Variants in LEF1 observed in about 807,000 individuals in gnomAD.
LEF1 encodes the protein lymphoid enhancer-binding factor 1.
A neutral mutation model predicts 51.2 loss-of-function variants in LEF1; 14 were observed. That is an observed-to-expected ratio of 0.27 (90% confidence interval 0.18 to 0.43). LEF1 has a LOEUF of 0.43. Ranked by LOEUF, LEF1 falls within the 20% of genes least tolerant of loss-of-function variation. The pLI, the probability that LEF1 is intolerant of heterozygous loss-of-function variation, is 1.00. For synonymous variants in LEF1, 185 were observed against 183.2 expected (o/e 1.01, Z -0.08); for missense variants, 386 against 512.0 (o/e 0.75, Z 2.37).
chr4:108,094,473 T>A (rs886138287), intron 3 of LEF1, among the ~76,000 whole-genome samples: 3 of 152,146 alleles, frequency 2.0e-5, no homozygotes, highest in Admixed American at 6.5e-5. Flanking sequence ...AATGACCCAC[T>A]CACCACTGGC....
rs1739844147 is a variant in LEF1, at chr4:108,089,163, T to C, written c.509A>G (p.His170Arg). Residue 170 changes from histidine to arginine, a missense_variant, in exon 4 of 12, where the codon CAC becomes CGC. Around this residue, in one of 2 missense-constraint regions of LEF1, gnomAD observed 335 missense variants for 390.7 expected, o/e 0.86. Transcript: ENST00000265165. Reference sequence around the variant, plus strand: ...GACATCTGATGGGATGTGTGACGGGTGTGATCCTGGAGAAAAGTGCTCGTC... The same window carrying C: ...GACATCTGATGGGATGTGTGACGGGCGTGATCCTGGAGAAAAGTGCTCGTC... ...YSDEHFSPGS[H>R]PSHIPSDVNS... 6.2e-7 allele frequency: 1 copy of C among 1,613,708 alleles called. No individual in the cohort carries two copies. The highest frequency in any genetic ancestry group is 1.1e-5 in the South Asian group (1 of 91,062).
intron 3 of LEF1, among the ~76,000 whole-genome samples, chr4:108,139,057 C>T (rs1243259861): frequency 6.6e-6 from 1 of 152,140 alleles, no homozygotes; most frequent in Non-Finnish European, 1.5e-5. Context: ...ACTGAGATTC[C>T]CTGCCATGGT....
chr4:108,095,595 C>T (rs1323690114), intron 3 of LEF1, among the ~76,000 whole-genome samples: 1 of 152,148 alleles, frequency 6.6e-6, no homozygotes, highest in Non-Finnish European at 1.5e-5. Flanking sequence ...GAACAGTGGA[C>T]CACTTGGAGA....
At chr4:108,092,218 T>A (rs905945360) in intron 3 of LEF1, among the ~76,000 whole-genome samples, 1 of 152,348 alleles carries the variant, frequency 6.6e-6, no homozygotes, top group African/African-American at 2.4e-5. Flanking sequence ...GATTTTAATT[T>A]AAGCCTGGCC....
intron 3 of LEF1, among the ~76,000 whole-genome samples, chr4:108,095,984 C>A (rs1337767264): frequency 2.0e-5 from 3 of 152,094 alleles, no homozygotes; most frequent in Non-Finnish European, 4.4e-5. Context: ...CCTCACCATA[C>A]CCCTAATCAT....
At chr4:108,090,766 C>T (rs1560782438) in intron 3 of LEF1, among the ~76,000 whole-genome samples, 1 of 152,098 alleles carries the variant, frequency 6.6e-6, no homozygotes, top group Non-Finnish European at 1.5e-5. Flanking sequence ...TACAGTTTCT[C>T]TACTGTACAT....
intron 8 of LEF1, among the ~76,000 whole-genome samples, chr4:108,077,328 A>G (rs1738932311): frequency 1.3e-5 from 2 of 148,918 alleles, no homozygotes; most frequent in South Asian, 4.4e-4. Context: ...CTGCCCGGCC[A>G]CCCAACTGAC....
intron 3 of LEF1, among the ~76,000 whole-genome samples, chr4:108,093,299 C>T (rs1449546319): frequency 6.6e-6 from 1 of 152,148 alleles, no homozygotes; most frequent in Non-Finnish European, 1.5e-5. Context: ...ATCCTTTTGG[C>T]TCTTACTCTG....
chr4:108,126,865 T>C (rs1022735731), intron 3 of LEF1, among the ~76,000 whole-genome samples: 2 of 94,946 alleles, frequency 2.1e-5, no homozygotes, highest in Non-Finnish European at 4.8e-5. Flanking sequence ...TATTATTTAC[T>C]GATATGTGTG....
rs1190535464 is a variant in LEF1 at position 108,141,601 on chromosome 4, TG to T, written c.414+21966del. The stretch of plus-strand genomic sequence containing the variant: ...TCTGCCTTTTTTCAATGCAAGCGAG[TG>T]GCAGCCAAGTCTCTCCATCTAGGAG... On this transcript the variant is annotated intron_variant, in intron 3 of 11. Coordinates refer to ENST00000265165, the MANE Select transcript of LEF1 (RefSeq NM_016269.5). Among the ~76,000 whole-genome samples, 7 of 152,236 alleles carry T rather than the reference TG, an allele frequency of 4.6e-5. No homozygotes were observed. In the East Asian group the frequency reaches 1.2e-3, roughly 25 times the overall value.
At chr4:108,096,328 T>C (rs1740390505) in intron 3 of LEF1, among the ~76,000 whole-genome samples, 1 of 152,122 alleles carries the variant, frequency 6.6e-6, no homozygotes. Context: ...GCTGTAGTGG[T>C]GCAAGGATTC....
chr4:108,089,098 A>G (rs1211182310), intron 4 of LEF1, 27 bp downstream of exon 4: 11 of 1,611,364 alleles, frequency 6.8e-6, no homozygotes, highest in Admixed American at 6.7e-5. Flanking sequence ...GCAAAAAAAA[A>G]GGGCCTGGAA....
intron 1 of LEF1, among the ~76,000 whole-genome samples, chr4:108,165,969 A>G (rs1745363282): frequency 6.6e-6 from 1 of 152,198 alleles, no homozygotes; most frequent in Admixed American, 6.5e-5. Context: ...TGTGGAGAAT[A>G]TGAAGTGGGT....
intron 3 of LEF1, among the ~76,000 whole-genome samples, chr4:108,132,863 G>A (rs773217221): frequency 5.1e-4 from 78 of 151,572 alleles, no homozygotes; most frequent in Admixed American, 9.9e-4. Flanking sequence ...TAGAGATGGG[G>A]TTTCCCCATG....
At position 108,078,011 on chromosome 4, in the gene LEF1, A is replaced by G. The variant is rs1410621257; in HGVS notation, c.1008+209T>C. Among the ~76,000 whole-genome samples, 4 of 151,938 alleles carry G rather than the reference A, an allele frequency of 2.6e-5. No homozygotes were observed. In the South Asian group the frequency reaches 8.4e-4, roughly 32 times the overall value. On this transcript the variant is annotated intron_variant, in intron 8 of 11. Transcript: ENST00000265165. ...AACTATGATCATACCACTGTACTCC[A>G]GTCCAGCTTGGGCAACAGAGTGAGA...
rs1375227118 is a variant in LEF1, at chr4:108,168,917, C to G, written c.-1150G>C. ...CTGCCCCGCAGGTGAGCGGCTGCGC[C>G]TCCCCACTGCTTCTCCTCCTCCCGC... On this transcript the variant is annotated 5_prime_UTR_variant, in exon 1 of 12. Transcript: ENST00000265165. The surrounding 1 kb of genome is among the most constrained non-coding windows in gnomAD (Gnocchi z 4.6). 1 of 152,280 alleles carries G rather than the reference C, an allele frequency of 6.6e-6. No homozygotes were observed. The highest frequency in any genetic ancestry group is 2.4e-5 in the African/African-American group (1 of 41,454). 9.4% of individuals were successfully genotyped at this position (152,280 alleles called of 1,614,324 possible). A position where few individuals can be genotyped will look rare whatever the true frequency, so the allele number is the denominator to read the frequency against.
At chr4:108,156,862 G>A (rs552807422) in intron 3 of LEF1, among the ~76,000 whole-genome samples, 5 of 151,756 alleles carry the variant, frequency 3.3e-5, no homozygotes, top group Admixed American at 3.3e-4. Flanking sequence ...GGGTGAGGGG[G>A]TAGGAGGGGG....
At chr4:108,081,368 C>T (rs535436225) in intron 6 of LEF1, among the ~76,000 whole-genome samples, 16 of 152,236 alleles carry the variant, frequency 1.1e-4, no homozygotes, top group African/African-American at 2.6e-4. Flanking sequence ...CTGAGTCCAT[C>T]GCCCGATGGT....
intron 2 of LEF1, among the ~76,000 whole-genome samples, chr4:108,164,836 T>C (rs1745281320): frequency 6.6e-6 from 1 of 152,162 alleles, no homozygotes; most frequent in African/African-American, 2.4e-5. Flanking sequence ...AAAAACTCAT[T>C]GTAGACATTC....
Sources: allele counts gnomAD v4.1 joint callset (sites outside exome capture counted in the v4.1 genomes callset), GRCh38; gene constraint gnomAD v4.1.1; regional missense constraint gnomAD v4.1.1; non-coding constraint Gnocchi (gnomAD v3.1); transcripts MANE v1.5; gene names NCBI Gene and HGNC (gene_info 2026-07-23, HGNC 2026-07-21).